The following CAST variants were observed in gnomAD, a reference collection of about 807,000 sequenced individuals.
CAST encodes MIR583 host.
A neutral mutation model predicts 119.6 loss-of-function variants in CAST; 76 were observed. The ratio of observed to expected loss-of-function variants is 0.64; its 90% CI spans 0.53 to 0.77. CAST has a LOEUF of 0.77. CAST is among the 30% of genes least tolerant of loss of function. The pLI, the probability that CAST is intolerant of heterozygous loss-of-function variation, is 0.00. For synonymous variants in CAST, 319 were observed against 331.6 expected (o/e 0.96, Z 0.41); for missense variants, 953 against 946.5 (o/e 1.01, Z -0.09).
chr5:96,019,381 G>A, the CAST span, among the ~76,000 whole-genome samples: 1,242 of 152,248 alleles, frequency 8.2e-3, 7 homozygotes, highest in Non-Finnish European at 0.014. Context: ...TACATATAGA[G>A]CATTTGTTTT....
At chr5:96,151,501 A>G in the CAST span, among the ~76,000 whole-genome samples, 1 of 152,160 alleles carries the variant, frequency 6.6e-6, no homozygotes, top group Non-Finnish European at 1.5e-5. Context: ...AAAAAGAATC[A>G]TAAAACTGCT....
At chr5:96,665,697 C>A (rs1007469630) in intron 1 of CAST, among the ~76,000 whole-genome samples, 2 of 151,962 alleles carry the variant, frequency 1.3e-5, no homozygotes, top group African/African-American at 2.4e-5. Flanking sequence ...ACCCATAAAT[C>A]CCCCAAAGGT....
chr5:96,040,854 A>G, the CAST span, among the ~76,000 whole-genome samples: 1 of 152,282 alleles, frequency 6.6e-6, no homozygotes, highest in Non-Finnish European at 1.5e-5. Flanking sequence ...TGTCTCTGCT[A>G]GGCTTTGGTA....
chr5:96,559,023 T>A (rs1028721265), intron 1 of CAST, among the ~76,000 whole-genome samples: 6 of 152,186 alleles, frequency 3.9e-5, no homozygotes, highest in Admixed American at 3.9e-4. Flanking sequence ...TCAAGTGGGC[T>A]TCATCCCTGG....
At chr5:96,073,284 G>A in the CAST span, among the ~76,000 whole-genome samples, 1 of 152,304 alleles carries the variant, frequency 6.6e-6, no homozygotes, top group East Asian at 1.9e-4. Context: ...GAGAAGAGAG[G>A]TGACTGACAT....
At chr5:96,748,773 C>T in intron 19 of CAST, 160 bp downstream of exon 19, 1 of 551,182 alleles carries the variant, frequency 1.8e-6, no homozygotes, top group Non-Finnish European at 3.3e-6. Flanking sequence ...GTGCTTTCTG[C>T]CCCAACCTAA....
intron 1 of CAST, among the ~76,000 whole-genome samples, chr5:96,594,393 A>T (rs1747017557): frequency 6.6e-6 from 1 of 152,238 alleles, no homozygotes; most frequent in Admixed American, 6.5e-5. Flanking sequence ...AAAACAGTCG[A>T]GTTAGCCTTG....
At chr5:96,486,034 G>A in the CAST span, among the ~76,000 whole-genome samples, 11 of 151,948 alleles carry the variant, frequency 7.2e-5, no homozygotes, top group African/African-American at 2.7e-4. Context: ...TTCCAGAGAG[G>A]TCCAAAAAAA....
At chr5:96,068,496 G>A in the CAST span, among the ~76,000 whole-genome samples, 4 of 151,892 alleles carry the variant, frequency 2.6e-5, no homozygotes, top group Admixed American at 2.0e-4. Flanking sequence ...CATTCATGGA[G>A]CAGTTACTAA....
chr5:96,355,174 T>G, the CAST span, among the ~76,000 whole-genome samples: 1 of 149,804 alleles, frequency 6.7e-6, no homozygotes, highest in East Asian at 2.0e-4. Context: ...ATGCTATCCC[T>G]CCCCTAGCCC....
At chr5:96,430,883 G>A in the CAST span, among the ~76,000 whole-genome samples, 2 of 152,260 alleles carry the variant, frequency 1.3e-5, no homozygotes, top group African/African-American at 4.8e-5. Flanking sequence ...TCCCAAGAAT[G>A]ATGATGTATT....
the CAST span, among the ~76,000 whole-genome samples, chr5:96,322,868 G>C: frequency 6.6e-5 from 10 of 152,290 alleles, no homozygotes; most frequent in South Asian, 2.1e-3. Flanking sequence ...GTAGAAACCA[G>C]AGGTAGCTGC....
chr5:96,270,989 G>A, the CAST span, among the ~76,000 whole-genome samples: 1 of 145,608 alleles, frequency 6.9e-6, no homozygotes, highest in Non-Finnish European at 1.5e-5. Context: ...TACACTAACA[G>A]CAAATAATAT....
At chr5:96,612,410 A>T (rs1747380309) in intron 1 of CAST, among the ~76,000 whole-genome samples, 1 of 152,148 alleles carries the variant, frequency 6.6e-6, no homozygotes, top group Non-Finnish European at 1.5e-5. Context: ...TGGGAACAAT[A>T]ACACTAAGGA....
intron 2 of CAST, among the ~76,000 whole-genome samples, chr5:96,678,982 C>G (rs948622140): frequency 6.6e-6 from 1 of 152,032 alleles, no homozygotes; most frequent in African/African-American, 2.4e-5. Context: ...ATTAAGTAAT[C>G]CTAAGATACC....
the CAST span, among the ~76,000 whole-genome samples, chr5:96,054,207 T>C: frequency 6.6e-6 from 1 of 152,174 alleles, no homozygotes; most frequent in Non-Finnish European, 1.5e-5. Flanking sequence ...GGGCCTATTC[T>C]ATTTCTGTGT....
the CAST span, chr5:96,393,048 C>T: frequency 1.4e-5 from 23 of 1,613,954 alleles, no homozygotes; most frequent in East Asian, 2.2e-5. Context: ...AGCAGCCGGT[C>T]GTCTCTGTGC....
intron 16 of CAST, chr5:96,743,595 A>C (rs1179325546): frequency 1.2e-6 from 2 of 1,601,964 alleles, no homozygotes; most frequent in East Asian, 4.6e-5. Flanking sequence ...TTCCAGCAAC[A>C]ATCCTTGAGT....
At chr5:96,327,467 G>C in the CAST span, among the ~76,000 whole-genome samples, 5 of 152,264 alleles carry the variant, frequency 3.3e-5, no homozygotes, top group South Asian at 1.0e-3. Flanking sequence ...AAGAATGGTA[G>C]CTAACCAGTG....
Sources: allele counts gnomAD v4.1 joint callset (sites outside exome capture counted in the v4.1 genomes callset), GRCh38; gene constraint gnomAD v4.1.1; transcripts MANE v1.5; gene names NCBI Gene and HGNC (gene_info 2026-07-23, HGNC 2026-07-21).